Variants in CCDC180 observed in about 807,000 individuals in gnomAD.
The protein encoded by CCDC180 is coiled-coil domain containing 180.
Under a neutral mutation model 209.2 loss-of-function variants are expected in CCDC180, and 154 were observed. That is an observed-to-expected ratio of 0.74 (90% CI 0.65 to 0.84). The LOEUF is 0.84. Among genes scored for constraint, CCDC180 ranks in the 40% least tolerant of loss-of-function variants. CCDC180 has a pLI of 0.00. For synonymous variants in CCDC180, 778 were observed against 749.1 expected (o/e 1.04, Z -0.63); for missense variants, 1,874 against 1,997.3 (o/e 0.94, Z 1.18).
chr9:97,316,994 TCTAA>T (rs1427245736), intron 8 of CCDC180, 67 bp from the exon 9 acceptor site: 1 of 1,449,436 alleles, frequency 6.9e-7, no homozygotes, highest in Admixed American at 2.0e-5. Context: ...ACTGCTCCTC[TCTAA>T]CTGAGCCTTG....
intron 22 of CCDC180, among the ~76,000 whole-genome samples, chr9:97,353,478 A>C (rs576889027): frequency 6.6e-6 from 1 of 152,196 alleles, no homozygotes; most frequent in Non-Finnish European, 1.5e-5. Context: ...ACTGTTTCTC[A>C]TGCATGGTAT....
At chr9:97,345,031 A>G (rs1826206503) in intron 19 of CCDC180, among the ~76,000 whole-genome samples, 1 of 152,214 alleles carries the variant, frequency 6.6e-6, no homozygotes, top group South Asian at 2.1e-4. Flanking sequence ...GAATGTGGCT[A>G]GGGTTCAGTT....
At chr9:97,318,642 A>G (rs1396863830) in intron 10 of CCDC180, 60 bp downstream of exon 10, 2 of 1,591,856 alleles carry the variant, frequency 1.3e-6, no homozygotes, top group Non-Finnish European at 1.7e-6. Flanking sequence ...AGGGAGGCAG[A>G]AGTGGCCTGC....
At chr9:97,311,841 A>G (rs2118527138) in intron 3 of CCDC180, among the ~76,000 whole-genome samples, 1 of 152,206 alleles carries the variant, frequency 6.6e-6, no homozygotes, top group Middle Eastern at 3.4e-3. Context: ...CTCATCATCC[A>G]CACTTGACCA....
chr9:97,349,014 G>A (rs1320915375), intron 20 of CCDC180, 97 bp from the exon 21 acceptor site: 1 of 1,135,286 alleles, frequency 8.8e-7, no homozygotes, highest in Non-Finnish European at 1.2e-6. Context: ...TTCTGCAGCT[G>A]GCCTGGAAGA....
At chr9:97,353,147 C>T (rs1432982151) in intron 22 of CCDC180, among the ~76,000 whole-genome samples, 1 of 152,094 alleles carries the variant, frequency 6.6e-6, no homozygotes, top group East Asian at 1.9e-4. Context: ...GAGGCATGTG[C>T]CACGATGCCC....
chr9:97,369,756 A>G lies in CCDC180; in HGVS notation c.4190-166A>G, dbSNP rs760143255. On this transcript the variant is annotated intron_variant, in intron 31 of 36. Coordinates refer to ENST00000529487, the MANE Select transcript of CCDC180 (RefSeq NM_020893.6). ...GCAGCTGGCTAACCCTGTATTTTCT[A>G]TACTGGTTTGACCTCAGGACCTCTT... The G allele has an allele frequency of 1.7e-5, 11 of 657,088 alleles. No individual in the cohort carries two copies. The Middle Eastern group carries it at 1.3e-3, about 78-fold the overall frequency. 40.7% of individuals were successfully genotyped at this position (657,088 alleles called of 1,614,324 possible).
At chr9:97,330,237 C>T in intron 17 of CCDC180, 44 bp downstream of exon 17, 1 of 1,611,898 alleles carries the variant, frequency 6.2e-7, no homozygotes, top group African/African-American at 1.3e-5. Context: ...AGACTTCACT[C>T]TTACGCGTTT....
chr9:97,374,698 G>A (rs375504085), intron 35 of CCDC180, 50 bp downstream of exon 35: 2 of 1,455,712 alleles, frequency 1.4e-6, no homozygotes, highest in Non-Finnish European at 1.9e-6. Context: ...TATCTGCTGG[G>A]GGTGGTGCAG....
rs79718431 is a variant in CCDC180 at position 97,317,689 on chromosome 9, G to T, written c.959+461G>T. On this transcript the variant is annotated intron_variant, in intron 9 of 36. Transcript: ENST00000529487. ...TGTTTCCTCCCTCCCATGGGAGGAG[G>T]TGTGAAGAGAGGTCCCTTGTCCATG... is the stretch of plus-strand genomic sequence containing the variant. 9.2e-3 allele frequency among the ~76,000 whole-genome samples: 1,407 copies of T among 152,276 alleles called. 38 individuals are homozygous for T. In the East Asian group the frequency reaches 0.094, roughly 10 times the overall value.
intron 35 of CCDC180, among the ~76,000 whole-genome samples, 159 bp from the exon 36 acceptor site, chr9:97,375,295 G>A (rs1225167328): frequency 2.0e-5 from 3 of 152,196 alleles, no homozygotes; most frequent in Non-Finnish European, 4.4e-5. Context: ...GCTTGAACAA[G>A]TGCAGCATTC....
Position 97,353,272 on chromosome 9 carries a change from C to T in CCDC180, c.3003-1297C>T, listed in dbSNP as rs536902045. 1.3e-4 allele frequency among the ~76,000 whole-genome samples: 20 copies of T among 152,316 alleles called. No homozygotes were observed. In the East Asian group the frequency reaches 3.5e-3, roughly 26 times the overall value. On this transcript the variant is annotated intron_variant, in intron 22 of 36. Coordinates refer to ENST00000529487, the MANE Select transcript of CCDC180 (RefSeq NM_020893.6). ...TCGGCCTCCCAAAGTGCTGGGATTA[C>T]AGGTGTGAGCCACTACTCTCTGCCC...
chr9:97,341,546 G>A (rs1826079083), intron 18 of CCDC180, among the ~76,000 whole-genome samples: 1 of 152,124 alleles, frequency 6.6e-6, no homozygotes, highest in South Asian at 2.1e-4. Flanking sequence ...TCCTTCCTCT[G>A]GAAGCTTCAT....
At position 97,313,238 on chromosome 9, in the gene CCDC180, C is replaced by A; in HGVS notation, c.352C>A (p.Pro118Thr). 1 of 1,607,174 alleles carries A rather than the reference C, an allele frequency of 6.2e-7. No individual in the cohort carries two copies. Among genetic ancestry groups the A allele is most frequent in the South Asian group, 1.1e-5 (1 of 90,772 alleles). ...EVRGLMDTIV[P>T]EKISTSTFQR... ...TCACCTCTGTTGTTGCTCCGCAGTT[C>A]CTGAGAAGATAAGCACCAGCACCTT... Residue 118 changes from proline to threonine, a missense_variant and splice_region_variant, in exon 5 of 37, where the codon CCT becomes ACT. Coordinates refer to ENST00000529487, the MANE Select transcript of CCDC180 (RefSeq NM_020893.6).
At position 97,309,285 on chromosome 9, in the gene CCDC180, G is replaced by A. The variant is rs1196895804; in HGVS notation, c.70-129G>A. The A allele has an allele frequency of 3.3e-5, 26 of 789,690 alleles. No individual in the cohort carries two copies. In the East Asian group the frequency reaches 3.6e-4, roughly 11 times the overall value. 48.9% of individuals were successfully genotyped at this position (789,690 alleles called of 1,614,324 possible). A position where few individuals can be genotyped will look rare whatever the true frequency, so the allele number is the denominator to read the frequency against. ...ATAGGGATATGACCTGGGGCTGAAG[G>A]CCTCCTGAAAAGTACCTTCCTGGGG... On this transcript the variant is annotated intron_variant, in intron 2 of 36. Transcript: ENST00000529487.
At chr9:97,344,946 T>A (rs1017001486) in intron 19 of CCDC180, among the ~76,000 whole-genome samples, 3 of 152,248 alleles carry the variant, frequency 2.0e-5, no homozygotes, top group Non-Finnish European at 4.4e-5. Flanking sequence ...TTATTTTGCT[T>A]ATTTTTTCAC....
chr9:97,328,049 A>C lies in CCDC180; in HGVS notation c.1691A>C (p.Lys564Thr), dbSNP rs1270411927. Residue 564 changes from lysine (K) to threonine (T), a missense_variant, in exon 16 of 37, where the codon AAG becomes ACG. Lys to Thr is a moderately conservative substitution (Grantham distance 78). Transcript: ENST00000529487. Reference sequence around the variant, plus strand: ...GAATGTTTTCACACCCTCCTGACAAAGGAAGTGATGGAGTACCCAGCGATC... The same window carrying C: ...GAATGTTTTCACACCCTCCTGACAACGGAAGTGATGGAGTACCCAGCGATC... ...RYECFHTLLT[K>T]EVMEYPAIML... The C allele has an allele frequency of 2.5e-6, 4 of 1,613,986 alleles. No homozygotes were observed. Among genetic ancestry groups the C allele is most frequent in the Non-Finnish European group, 3.4e-6 (4 of 1,179,912 alleles).
intron 8 of CCDC180, among the ~76,000 whole-genome samples, chr9:97,315,232 G>A (rs559715031): frequency 6.6e-6 from 1 of 152,190 alleles, no homozygotes; most frequent in Non-Finnish European, 1.5e-5. Context: ...GAGCGCTGAT[G>A]ATGTTAATGA....
chr9:97,365,487 G>C (rs983007896), intron 29 of CCDC180, 186 bp from the exon 30 acceptor site: 34 of 590,098 alleles, frequency 5.8e-5, no homozygotes, highest in South Asian at 3.3e-4. Flanking sequence ...CAACCAAGAA[G>C]AGAAGAAAGT....
Sources: allele counts gnomAD v4.1 joint callset (sites outside exome capture counted in the v4.1 genomes callset), GRCh38; gene constraint gnomAD v4.1.1; transcripts MANE v1.5; gene names NCBI Gene and HGNC (gene_info 2026-07-23, HGNC 2026-07-21).